NPAS3: variants seen among roughly 807,000 people sequenced by gnomAD.
The protein encoded by NPAS3 is neuronal PAS domain-containing protein 3.
Under a neutral mutation model 73.1 loss-of-function variants are expected in NPAS3, and 14 were observed. That is an observed-to-expected ratio of 0.19 (90% CI 0.13 to 0.30). The LOEUF (loss-of-function observed/expected upper bound fraction) is 0.30, where lower values mean the gene tolerates loss of function less well. NPAS3 is among the 10% of genes least tolerant of loss of function. NPAS3 has a pLI of 1.00. For missense variants in NPAS3, 1,096 were observed against 1,250.0 expected, an observed-to-expected ratio of 0.88 and a Z score of 1.86; for synonymous variants, 620 against 541.5, an observed-to-expected ratio of 1.14 and a Z score of -2.01.
intron 4 of NPAS3, among the ~76,000 whole-genome samples, chr14:33,486,647 G>A (rs1248767153): frequency 6.6e-6 from 1 of 152,092 alleles, no homozygotes; most frequent in Non-Finnish European, 1.5e-5. Flanking sequence ...TATTTAAGTT[G>A]GCTAGTCAGC....
chr14:33,086,644 C>A (rs2042034397), intron 2 of NPAS3, among the ~76,000 whole-genome samples: 1 of 152,112 alleles, frequency 6.6e-6, no homozygotes, highest in Non-Finnish European at 1.5e-5. Flanking sequence ...CATTTTGTGC[C>A]AGATACCCTT....
intron 2 of NPAS3, among the ~76,000 whole-genome samples, chr14:33,209,543 G>C (rs1306279536): frequency 6.6e-6 from 1 of 152,164 alleles, no homozygotes; most frequent in Non-Finnish European, 1.5e-5. Flanking sequence ...GTGTTCAAAG[G>C]TTCATGAGTT....
At chr14:32,970,169 G>A (rs1566415306) in intron 1 of NPAS3, among the ~76,000 whole-genome samples, 4 of 152,166 alleles carry the variant, frequency 2.6e-5, no homozygotes, top group Admixed American at 2.6e-4. Context: ...AAAAGCAACT[G>A]AACTTAATTT....
At chr14:33,480,492 C>A (rs1434668624) in intron 4 of NPAS3, among the ~76,000 whole-genome samples, 1 of 150,586 alleles carries the variant, frequency 6.6e-6, no homozygotes, top group Non-Finnish European at 1.5e-5. Context: ...ATATTCTCTC[C>A]GTCTGTCTCT....
chr14:33,112,741 C>T (rs2042938097), intron 2 of NPAS3, among the ~76,000 whole-genome samples: 1 of 152,142 alleles, frequency 6.6e-6, no homozygotes, highest in Non-Finnish European at 1.5e-5. Flanking sequence ...AGTCCTTGCC[C>T]ATGCCTATGT....
At chr14:33,593,621 C>T (rs533254885) in intron 5 of NPAS3, among the ~76,000 whole-genome samples, 7 of 152,322 alleles carry the variant, frequency 4.6e-5, no homozygotes, top group African/African-American at 1.7e-4. Flanking sequence ...TTTCTCCAGC[C>T]TTCTTTTCTG....
chr14:33,013,525 C>G (rs762959400), intron 1 of NPAS3, among the ~76,000 whole-genome samples: 6 of 152,038 alleles, frequency 3.9e-5, no homozygotes, highest in Non-Finnish European at 7.4e-5. Flanking sequence ...AGACAAAAAC[C>G]TGTGACCTCA....
chr14:33,783,992 T>G (rs928245138), intron 9 of NPAS3, among the ~76,000 whole-genome samples: 2 of 152,112 alleles, frequency 1.3e-5, no homozygotes, highest in Non-Finnish European at 2.9e-5. Context: ...AAAAGGTGAG[T>G]AGTGAAATAA....
At chr14:33,569,690 C>T (rs1387397475) in intron 5 of NPAS3, among the ~76,000 whole-genome samples, 1 of 152,112 alleles carries the variant, frequency 6.6e-6, no homozygotes, top group East Asian at 1.9e-4. Context: ...GGATGGTTTC[C>T]TGAACCTCTG....
intron 4 of NPAS3, among the ~76,000 whole-genome samples, chr14:33,377,784 T>C (rs557585383): frequency 1.5e-4 from 23 of 152,284 alleles, no homozygotes; most frequent in Non-Finnish European, 1.0e-4. Flanking sequence ...AAATGGGGAC[T>C]TTCTAGTTGC....
At chr14:33,018,346 A>G (rs28406179) in intron 1 of NPAS3, among the ~76,000 whole-genome samples, 4,830 of 152,248 alleles carry the variant, frequency 0.032, 244 homozygotes, top group African/African-American at 0.11. Context: ...TTTGACCTTT[A>G]CATTTTTGCT....
chr14:33,611,170 G>A (rs1214167782), intron 5 of NPAS3: 1 of 152,154 alleles, frequency 6.6e-6, no homozygotes, highest in Non-Finnish European at 1.5e-5. Context: ...AGAATACAGA[G>A]CTATGGCTGC....
intron 4 of NPAS3, among the ~76,000 whole-genome samples, chr14:33,550,772 T>C (rs2055072532): frequency 6.6e-6 from 1 of 152,224 alleles, no homozygotes; most frequent in African/African-American, 2.4e-5. Context: ...CTCTGCTTCA[T>C]ATGAAGCTAA....
intron 4 of NPAS3, among the ~76,000 whole-genome samples, chr14:33,375,907 G>C: frequency 6.6e-6 from 1 of 152,170 alleles, no homozygotes; most frequent in Non-Finnish European, 1.5e-5. Context: ...TACTGGCAAT[G>C]TGCATTTCAC....
chr14:33,316,957 T>G (rs979544231), intron 3 of NPAS3, among the ~76,000 whole-genome samples: 1 of 152,096 alleles, frequency 6.6e-6, no homozygotes, highest in Non-Finnish European at 1.5e-5. Flanking sequence ...AAAGGAAGTT[T>G]TAATAGATCA....
In NPAS3 at chr14:33,709,962, C is replaced by T. The variant is rs115967407; in HGVS notation, c.734-25252C>T. Among the ~76,000 whole-genome samples, 999 of 152,268 alleles carry T rather than the reference C, an allele frequency of 6.6e-3. 9 individuals are homozygous for T. The highest frequency in any genetic ancestry group is 0.022 in the African/African-American group (902 of 41,546). ...GAGCACTGAAGGTAAACCGAAGTGG[C>T]GACTTCAACACTCACACTTGTGTTA... On this transcript the variant is annotated intron_variant, in intron 6 of 11. Coordinates refer to ENST00000356141, the Ensembl canonical transcript of NPAS3.
chr14:33,070,756 A>C (rs145910703), intron 2 of NPAS3, among the ~76,000 whole-genome samples: 2 of 152,366 alleles, frequency 1.3e-5, no homozygotes, highest in East Asian at 1.9e-4. Context: ...AGTTACAACT[A>C]TCCAGTGAAC....
chr14:33,197,999 G>C (rs181331124), intron 2 of NPAS3, among the ~76,000 whole-genome samples: 1 of 152,178 alleles, frequency 6.6e-6, no homozygotes, highest in African/African-American at 2.4e-5. Context: ...CTGGCTTCAG[G>C]AGTGAAGCTG....
chr14:33,539,092 G>A (rs1841075679), intron 4 of NPAS3, among the ~76,000 whole-genome samples: 1 of 152,104 alleles, frequency 6.6e-6, no homozygotes, highest in Non-Finnish European at 1.5e-5. Context: ...GACTCTCAGG[G>A]GGAGAGGTGA....
Sources: gnomAD v4.1 joint callset for allele counts (sites outside exome capture counted in the v4.1 genomes callset) on GRCh38, gnomAD v4.1.1 for gene constraint, MANE v1.5 for transcripts, NCBI Gene and HGNC (gene_info 2026-07-23, HGNC 2026-07-21) for gene names.